PRC1: variants seen among roughly 807,000 people sequenced by gnomAD.
PRC1 encodes the protein anaphase spindle elongation 1 homolog.
PRC1 carries 54 observed loss-of-function variants against 91.2 expected under a neutral mutation model. The observed-to-expected ratio is 0.59, with a 90% CI of 0.48 to 0.74. PRC1 has a LOEUF of 0.74. Among genes scored for constraint, PRC1 ranks in the 30% least tolerant of loss-of-function variants. PRC1 has a pLI of 0.00. For synonymous variants in PRC1, 275 were observed against 263.6 expected (o/e 1.04, Z -0.42); for missense variants, 727 against 746.2 (o/e 0.97, Z 0.30).
In PRC1 at chr15:90,984,673, A is replaced by C; in HGVS notation, c.144+20T>G. ...ATCCTTACCCTGGTCCAATGCAGAGACCAGTACTATTCAACCCACCTTGAT... is the reference window on the plus strand; with the variant it reads ...ATCCTTACCCTGGTCCAATGCAGAGCCCAGTACTATTCAACCCACCTTGAT... On this transcript the variant is annotated intron_variant, in intron 2 of 14. Coordinates refer to ENST00000394249, the MANE Select transcript of PRC1 (RefSeq NM_003981.4). The surrounding 1 kb of genome is among the most constrained non-coding windows in gnomAD (Gnocchi z 5.1). 2 of 1,613,918 alleles carry C rather than the reference A, an allele frequency of 1.2e-6. No individual in the cohort carries two copies. Among genetic ancestry groups the C allele is most frequent in the Non-Finnish European group, 1.7e-6 (2 of 1,179,856 alleles).
intron 8 of PRC1, among the ~76,000 whole-genome samples, chr15:90,978,210 C>A (rs2038895003): frequency 6.6e-6 from 1 of 152,234 alleles, no homozygotes; most frequent in Middle Eastern, 3.2e-3. Flanking sequence ...GGAATCAATA[C>A]CCATGCAATA....
chr15:90,990,050 T>C (rs1464033726), intron 1 of PRC1, among the ~76,000 whole-genome samples: 1 of 152,024 alleles, frequency 6.6e-6, no homozygotes, highest in Non-Finnish European at 1.5e-5. Context: ...AATAAAATTT[T>C]TTTTTAGGCC....
At chr15:90,980,799 C>A (rs1274991050) in intron 6 of PRC1, 85 bp downstream of exon 6, 2 of 1,572,082 alleles carry the variant, frequency 1.3e-6, no homozygotes, top group East Asian at 2.2e-5. Context: ...AACCACTGAG[C>A]CTGGCCAAAT....
chr15:90,984,203 T>C lies in PRC1; in HGVS notation c.145-63A>G. ...GGAGGAAAAAAACTCCCAACACCAA[T>C]ACCAAACTCCTCAAATTTCTTTTTT... On this transcript the variant is annotated intron_variant, in intron 2 of 14. Transcript: ENST00000394249. The surrounding 1 kb of genome is among the most constrained non-coding windows in gnomAD (Gnocchi z 5.1). 1 of 1,563,852 alleles carries C rather than the reference T, an allele frequency of 6.4e-7. No individual in the cohort carries two copies. The highest frequency in any genetic ancestry group is 8.7e-7 in the Non-Finnish European group (1 of 1,151,256).
At chr15:90,990,841 T>C (rs969177290) in intron 1 of PRC1, among the ~76,000 whole-genome samples, 3 of 151,840 alleles carry the variant, frequency 2.0e-5, no homozygotes, top group African/African-American at 7.3e-5. Flanking sequence ...TGCAATGGTG[T>C]GATCTCAGCT....
chr15:90,979,145 A>C lies in PRC1; in HGVS notation c.1107+13T>G. The C allele has an allele frequency of 6.2e-7, 1 of 1,610,594 alleles. No individual in the cohort carries two copies. The highest frequency in any genetic ancestry group is 8.5e-7 in the Non-Finnish European group (1 of 1,178,850). On this transcript the variant is annotated intron_variant, in intron 8 of 14. Transcript: ENST00000394249. ...TTTCTTAACAGTTAAAAACACAAAA[A>C]CTAGGACAATACCTCAAACTCTAAG...
At position 90,974,037 on chromosome 15, in the gene PRC1, A is replaced by G; in HGVS notation, c.1461+99T>C. The G allele has an allele frequency of 1.1e-6, 1 of 923,490 alleles. No homozygotes were observed. The highest frequency in any genetic ancestry group is 2.8e-4 in the Middle Eastern group (1 of 3,592). The allele number at this position is 923,490 out of a possible 1,614,324, so 57.2% of individuals were successfully genotyped here. On this transcript the variant is annotated intron_variant, in intron 11 of 14. Coordinates refer to ENST00000394249, the MANE Select transcript of PRC1 (RefSeq NM_003981.4). This position sits in a 1 kb window ranked among gnomAD's most constrained non-coding sequence, Gnocchi z 4.6. The stretch of plus-strand genomic sequence containing the variant: ...TCTCTTGTCCCACCTGATGAGAAAT[A>G]CCCACAGGTGTGGAGGGGCTGGCCC...
At chr15:90,990,560 T>C (rs2151623545) in intron 1 of PRC1, among the ~76,000 whole-genome samples, 1 of 151,680 alleles carries the variant, frequency 6.6e-6, no homozygotes, top group African/African-American at 2.4e-5. Context: ...TGGGGAGAAT[T>C]TGGACCATGG....
chr15:90,969,827 A>T (rs1416080540), intron 12 of PRC1, among the ~76,000 whole-genome samples: 1 of 146,450 alleles, frequency 6.8e-6, no homozygotes, highest in Non-Finnish European at 1.5e-5. Flanking sequence ...TCATGCCTAT[A>T]ATCCCAACAC....
Position 90,967,279 on chromosome 15 carries a change from G to A in PRC1, c.1792-77C>T. The A allele has an allele frequency of 3.3e-6, 4 of 1,227,696 alleles. No individual in the cohort carries two copies. The South Asian group carries it at 3.6e-5, about 11-fold the overall frequency. 76.1% of individuals were successfully genotyped at this position (1,227,696 alleles called of 1,614,324 possible). ...CCCACCCTTCTAAGTTTGGTTAAGTGTCAGCAAAAGGTCCCTTGAAGGTAG... is the reference window on the plus strand; with the variant it reads ...CCCACCCTTCTAAGTTTGGTTAAGTATCAGCAAAAGGTCCCTTGAAGGTAG... On this transcript the variant is annotated intron_variant, in intron 14 of 14. Coordinates refer to ENST00000394249, the MANE Select transcript of PRC1 (RefSeq NM_003981.4).
At chr15:90,982,020 T>A (rs1376478109) in intron 3 of PRC1, 39 bp from the exon 4 acceptor site, 7 of 1,570,244 alleles carry the variant, frequency 4.5e-6, no homozygotes, top group Non-Finnish European at 5.2e-6. Context: ...AGATTCCAAG[T>A]GAATTCCTTC....
chr15:90,980,242 C>G lies in PRC1; in HGVS notation c.970G>C (p.Glu324Gln). 1 of 1,609,104 alleles carries G rather than the reference C, an allele frequency of 6.2e-7. No individual in the cohort carries two copies. The highest frequency in any genetic ancestry group is 8.5e-7 in the Non-Finnish European group (1 of 1,178,608). The change falls in exon 7 of 15, where the codon GAG becomes CAG. Residue 324 changes from glutamate to glutamine, a missense_variant and splice_region_variant. Transcript: ENST00000394249. ...CCAAAGACCTCACTCTTGTACTAAC[C>G]AGCACAGAAAGGGGCAAAAGCTTGT... Reference protein sequence around the residue: ...QRQAFAPFCAEDYTESLLQLH... With the variant: ...QRQAFAPFCAQDYTESLLQLH...
chr15:90,993,879 T>C (rs2040128631), intron 1 of PRC1, among the ~76,000 whole-genome samples: 1 of 152,064 alleles, frequency 6.6e-6, no homozygotes, highest in Non-Finnish European at 1.5e-5. Flanking sequence ...AGCCAGGAGT[T>C]CGAGACCAGC....
intron 11 of PRC1, among the ~76,000 whole-genome samples, chr15:90,972,075 T>C (rs2038183552): frequency 6.7e-6 from 1 of 150,098 alleles, no homozygotes; most frequent in Non-Finnish European, 1.5e-5. Flanking sequence ...GCACAGTGGC[T>C]CATGCCTGTA....
rs1027262448 is a variant in PRC1, at chr15:90,966,427, C to T, written c.*704G>A. ...GGTAGAAGAACTCAGGCAAAGTAGGCACAGGAATGGGGGAGATGAGAGCCA... is the reference window on the plus strand; with the variant it reads ...GGTAGAAGAACTCAGGCAAAGTAGGTACAGGAATGGGGGAGATGAGAGCCA... On this transcript the variant is annotated 3_prime_UTR_variant, in exon 15 of 15. Transcript: ENST00000394249. 1.1e-5 allele frequency: 4 copies of T among 351,390 alleles called. No homozygotes were observed. Among genetic ancestry groups the T allele is most frequent in the Non-Finnish European group, 2.3e-5 (4 of 172,400 alleles). The allele number at this position is 351,390 out of a possible 1,614,324, so 21.8% of individuals were successfully genotyped here.
intron 1 of PRC1, among the ~76,000 whole-genome samples, chr15:90,990,940 G>T (rs370842311): frequency 6.6e-6 from 1 of 151,316 alleles, no homozygotes; most frequent in African/African-American, 2.4e-5. Context: ...CACCACGCCC[G>T]GCTAATTTTT....
Position 90,981,655 on chromosome 15 carries a change from C to G in PRC1, c.516G>C (p.Glu172Asp). 1 of 1,614,024 alleles carries G rather than the reference C, an allele frequency of 6.2e-7. No individual in the cohort carries two copies. Among genetic ancestry groups the G allele is most frequent in the Non-Finnish European group, 8.5e-7 (1 of 1,179,920 alleles). Residue 172 changes from glutamate (E) to aspartate (D), a missense_variant, in exon 5 of 15, where the codon GAG becomes GAC. Coordinates refer to ENST00000394249, the MANE Select transcript of PRC1 (RefSeq NM_003981.4). ...TLRETKASRREEFVSIKRQII... is the reference protein window; with the variant it reads ...TLRETKASRRDEFVSIKRQII... ...TCTGTCTCTTTATACTGACAAACTC[C>G]TCACGCCTAGAAGCCTTTAAAACAA...
intron 6 of PRC1, 98 bp from the exon 7 acceptor site, chr15:90,980,487 G>A (rs2039092936): frequency 1.0e-5 from 11 of 1,054,276 alleles, no homozygotes; most frequent in Non-Finnish European, 8.2e-6. Flanking sequence ...ATAATGCAAA[G>A]CCACAAAGGT....
intron 9 of PRC1, among the ~76,000 whole-genome samples, chr15:90,975,825 G>A (rs953469521): frequency 2.0e-5 from 3 of 152,028 alleles, no homozygotes; most frequent in Admixed American, 2.0e-4. Flanking sequence ...CTCTTGCGGG[G>A]GGAAAAAAGA....
Sources: allele counts gnomAD v4.1 joint callset (sites outside exome capture counted in the v4.1 genomes callset), GRCh38; gene constraint gnomAD v4.1.1; non-coding constraint Gnocchi (gnomAD v3.1); transcripts MANE v1.5; gene names NCBI Gene and HGNC (gene_info 2026-07-23, HGNC 2026-07-21).